The following TBC1D23 variants were observed in gnomAD, a reference collection of about 807,000 sequenced individuals.
TBC1D23 encodes the protein TBC1 domain family member 23.
In TBC1D23, 55 loss-of-function variants were observed where a neutral mutation model predicts 91.4. The ratio of observed to expected loss-of-function variants is 0.60; its 90% confidence interval spans 0.48 to 0.75. TBC1D23 has a LOEUF of 0.75. Among genes scored for constraint, TBC1D23 ranks in the 30% least tolerant of loss-of-function variants. The probability of loss-of-function intolerance (pLI) is 0.00; values close to 1 mark genes in which losing one functional copy is unlikely to be tolerated. For synonymous variants in TBC1D23, 289 were observed against 281.0 expected, an observed-to-expected ratio of 1.03 and a Z score of -0.28; for missense variants, 725 against 836.1, an observed-to-expected ratio of 0.87 and a Z score of 1.64.
intron 13 of TBC1D23, among the ~76,000 whole-genome samples, chr3:100,307,211 T>A (rs1225722634): frequency 6.6e-6 from 1 of 152,252 alleles, no homozygotes; most frequent in African/African-American, 2.4e-5. Context: ...ACTTCAATAT[T>A]TCATGTCAGT....
chr3:100,298,565 T>G (rs768184650), intron 9 of TBC1D23, among the ~76,000 whole-genome samples: 5 of 152,168 alleles, frequency 3.3e-5, no homozygotes, highest in Non-Finnish European at 7.4e-5. Flanking sequence ...TTGGAAGGTG[T>G]AGTGTATTTC....
At chr3:100,284,491 T>C (rs1316257659) in intron 4 of TBC1D23, among the ~76,000 whole-genome samples, 1 of 152,114 alleles carries the variant, frequency 6.6e-6, no homozygotes, top group Non-Finnish European at 1.5e-5. Context: ...GTCCTAGAAA[T>C]ATAGGCATTG....
chr3:100,317,138 TAATTAAGC>T (rs962591914), intron 16 of TBC1D23, among the ~76,000 whole-genome samples: 1 of 152,062 alleles, frequency 6.6e-6, no homozygotes, highest in African/African-American at 2.4e-5. Flanking sequence ...CAGCTTATCC[TAATTAAGC>T]AATCATAACT....
At chr3:100,297,685 T>C (rs1705325091) in intron 8 of TBC1D23, among the ~76,000 whole-genome samples, 1 of 110,306 alleles carries the variant, frequency 9.1e-6, no homozygotes, top group African/African-American at 4.1e-5. Flanking sequence ...AAAATAGCTA[T>C]TTAGAATGTG....
chr3:100,281,828 A>G lies in TBC1D23; in HGVS notation c.252A>G (p.Lys84=), dbSNP rs2067697445. Reference sequence around the variant, plus strand: ...TGCCAGAACAGAACACTATTCACAAAGATTGCCTGCAGTTTATTGGTAAGC... The same window carrying G: ...TGCCAGAACAGAACACTATTCACAAGGATTGCCTGCAGTTTATTGGTAAGC... ...LDLPEQNTIH[K]DCLQFIDQLS... Residue 84 remains lysine, a synonymous_variant, in exon 3 of 19, where the codon AAA becomes AAG. Coordinates refer to ENST00000394144, the MANE Select transcript of TBC1D23 (RefSeq NM_001199198.3). The G allele has an allele frequency of 1.2e-6, 2 of 1,608,056 alleles. No individual in the cohort carries two copies. The highest frequency in any genetic ancestry group is 4.5e-5 in the East Asian group (2 of 44,622).
At chr3:100,301,295 T>A (rs968670645) in intron 10 of TBC1D23, among the ~76,000 whole-genome samples, 12 of 138,262 alleles carry the variant, frequency 8.7e-5, no homozygotes, top group Non-Finnish European at 1.4e-4. Context: ...AAAAAAATGG[T>A]GGAACCTTCT....
rs543866387 is a variant in TBC1D23, at chr3:100,284,958, G to T, written c.476+1147G>T. Among the ~76,000 whole-genome samples, 16 of 152,264 alleles carry T rather than the reference G, an allele frequency of 1.1e-4. No individual in the cohort carries two copies. The East Asian group carries it at 2.7e-3, about 26-fold the overall frequency. ...TAATTAATTTCAGCGTGTAGCCAAG[G>T]TGGAGAACCGCTAATCTGGACCTTG... On this transcript the variant is annotated intron_variant, in intron 4 of 18. Transcript: ENST00000394144.
At chr3:100,291,930 T>C (rs2067795022) in intron 5 of TBC1D23, among the ~76,000 whole-genome samples, 1 of 151,992 alleles carries the variant, frequency 6.6e-6, no homozygotes, top group South Asian at 2.1e-4. Flanking sequence ...CATGCCCGGC[T>C]AATTTTGTAA....
At chr3:100,314,002 A>G (rs1457396161) in intron 15 of TBC1D23, among the ~76,000 whole-genome samples, 1 of 151,766 alleles carries the variant, frequency 6.6e-6, no homozygotes, top group African/African-American at 2.4e-5. Flanking sequence ...TGTAATTTCC[A>G]AAGAATATTT....
chr3:100,283,822 A>G lies in TBC1D23; in HGVS notation c.476+11A>G, dbSNP rs1438836135. ...TAAGTACATTCCCAGGTAAAATATG[A>G]TTCAGTTATTGTAGTTTTTAAAAGT... On this transcript the variant is annotated intron_variant, in intron 4 of 18. Transcript: ENST00000394144. The G allele has an allele frequency of 6.4e-7, 1 of 1,569,438 alleles. No homozygotes were observed. The highest frequency in any genetic ancestry group is 8.8e-7 in the Non-Finnish European group (1 of 1,140,708).
rs193291703 is a variant in TBC1D23, at chr3:100,278,683, T to C, written c.54-966T>C. Among the ~76,000 whole-genome samples, 711 of 152,232 alleles carry C rather than the reference T, an allele frequency of 4.7e-3. 2 individuals are homozygous for C. The highest frequency in any genetic ancestry group is 6.4e-3 in the Non-Finnish European group (432 of 67,994). ...ACAGGCGTGAGCCACTGCGCCCAGCTGGAATTGATAATTTAACTGGTTATT... is the reference window on the plus strand; with the variant it reads ...ACAGGCGTGAGCCACTGCGCCCAGCCGGAATTGATAATTTAACTGGTTATT... On this transcript the variant is annotated intron_variant, in intron 1 of 18. Transcript: ENST00000394144.
Position 100,310,505 on chromosome 3 carries a change from A to T in TBC1D23, c.1516A>T (p.Ile506Phe). Residue 506 changes from isoleucine (I) to phenylalanine (F), a missense_variant, in exon 14 of 19, where the codon ATC becomes TTC. By Grantham distance (21) the Ile-to-Phe change is conservative (BLOSUM62 0). Transcript: ENST00000394144. ...ATCCGTTAATGTCAGGGAAAAAGTT[A>T]TCAGTTTTATAGAGAATACATCAAC... The part of the protein sequence containing the change: ...TKSVNVREKV[I>F]SFIENTSTPV... 6.2e-7 allele frequency: 1 copy of T among 1,613,696 alleles called. No individual in the cohort carries two copies. The highest frequency in any genetic ancestry group is 2.2e-5 in the East Asian group (1 of 44,808).
intron 5 of TBC1D23, among the ~76,000 whole-genome samples, chr3:100,292,103 C>T (rs921747647): frequency 2.0e-5 from 3 of 152,034 alleles, no homozygotes; most frequent in Admixed American, 6.6e-5. Flanking sequence ...ATCATGTAGG[C>T]GTTGGAAAAT....
At chr3:100,294,727 T>C (rs939725174) in intron 5 of TBC1D23, among the ~76,000 whole-genome samples, 1 of 152,260 alleles carries the variant, frequency 6.6e-6, no homozygotes, top group African/African-American at 2.4e-5. Flanking sequence ...GTTACTCTTA[T>C]GGAGCTCAGA....
At chr3:100,305,657 G>A (rs1243174134) in intron 12 of TBC1D23, among the ~76,000 whole-genome samples, 1 of 152,126 alleles carries the variant, frequency 6.6e-6, no homozygotes, top group Non-Finnish European at 1.5e-5. Context: ...GAGTTAGGCT[G>A]TAACTTAGGA....
chr3:100,302,478 C>T (rs942648541), intron 11 of TBC1D23, among the ~76,000 whole-genome samples: 1 of 152,138 alleles, frequency 6.6e-6, no homozygotes, highest in Non-Finnish European at 1.5e-5. Context: ...CTCCAGATAG[C>T]TTACAAATTG....
intron 5 of TBC1D23, among the ~76,000 whole-genome samples, chr3:100,294,249 A>T (rs1576172118): frequency 6.7e-6 from 1 of 149,708 alleles, no homozygotes; most frequent in African/African-American, 2.5e-5. Flanking sequence ...AATGTTATTT[A>T]TTTTTTTTTG....
chr3:100,271,363 T>C (rs1383049344), intron 1 of TBC1D23, among the ~76,000 whole-genome samples: 2 of 152,152 alleles, frequency 1.3e-5, no homozygotes, highest in Middle Eastern at 3.2e-3. Context: ...GTGGTGGACA[T>C]TGCTGTTTCT....
In TBC1D23 at chr3:100,296,191, A is replaced by G; in HGVS notation, c.792A>G (p.Pro264=). 6.3e-7 allele frequency: 1 copy of G among 1,583,286 alleles called. No homozygotes were observed. The highest frequency in any genetic ancestry group is 1.2e-5 in the South Asian group (1 of 86,470). ...TTTCAGAGTTCTTGGAAAATACTCC[A>G]TCCAGTCTGAATATAGAAGATATAG... ...EEVIKFLENT[P]SSLNIEDIED... Residue 264 remains proline, a synonymous_variant, in exon 8 of 19, where the codon CCA becomes CCG. Transcript: ENST00000394144.
Sources: allele counts gnomAD v4.1 joint callset (sites outside exome capture counted in the v4.1 genomes callset), GRCh38; gene constraint gnomAD v4.1.1; transcripts MANE v1.5; gene names NCBI Gene and HGNC (gene_info 2026-07-23, HGNC 2026-07-21).